NAA11: variants seen among roughly 807,000 people sequenced by gnomAD.
The protein encoded by NAA11 is N-alpha-acetyltransferase 11.
A neutral mutation model predicts 16.1 loss-of-function variants in NAA11; 15 were observed. The observed-to-expected ratio is 0.93, with a 90% CI of 0.62 to 1.44. The LOEUF is 1.44. Among genes scored for constraint, NAA11 ranks in the 40% most tolerant of loss-of-function variants. The pLI is 0.00. For synonymous variants in NAA11, 122 were observed against 112.4 expected (o/e 1.09, Z -0.54); for missense variants, 298 against 291.3 (o/e 1.02, Z -0.17).
At chr4:79,319,729 C>A (rs1560476309) in intron 1 of NAA11, among the ~76,000 whole-genome samples, 1 of 152,140 alleles carries the variant, frequency 6.6e-6, no homozygotes, top group Non-Finnish European at 1.5e-5. Flanking sequence ...TCTTCCCAAC[C>A]CCCTCTTTAT....
At chr4:79,217,506 C>G in the NAA11 span, among the ~76,000 whole-genome samples, 1 of 152,114 alleles carries the variant, frequency 6.6e-6, no homozygotes, top group Non-Finnish European at 1.5e-5. Context: ...AGGTTTAAAA[C>G]AGAGGTAGAT....
At chr4:79,161,398 A>C in the NAA11 span, among the ~76,000 whole-genome samples, 1 of 152,238 alleles carries the variant, frequency 6.6e-6, no homozygotes. Flanking sequence ...TCCTTGTACC[A>C]GTAGCATACT....
the NAA11 span, among the ~76,000 whole-genome samples, chr4:79,156,839 T>TGGCAGTA: frequency 6.6e-6 from 1 of 152,350 alleles, no homozygotes; most frequent in South Asian, 2.1e-4. Context: ...TCTTAATTGA[T>TGGCAGTA]GTCTTCTGCC....
chr4:79,268,536 C>T (rs1722402105), intron 2 of NAA11, among the ~76,000 whole-genome samples: 1 of 152,062 alleles, frequency 6.6e-6, no homozygotes, highest in Non-Finnish European at 1.5e-5. Context: ...TTCATTGCAA[C>T]ACAAGTAATT....
chr4:79,179,615 G>A, the NAA11 span, among the ~76,000 whole-genome samples: 1 of 152,130 alleles, frequency 6.6e-6, no homozygotes, highest in South Asian at 2.1e-4. Flanking sequence ...GGCAGGAGAA[G>A]GACAGAGCAT....
At chr4:79,303,025 CTT>C (rs1170121375) in intron 1 of NAA11, among the ~76,000 whole-genome samples, 3 of 141,892 alleles carry the variant, frequency 2.1e-5, no homozygotes, top group Non-Finnish European at 4.6e-5. Context: ...GCCATCTTGA[CTT>C]TTTAATTTGT....
At chr4:79,274,633 A>G (rs1373359707) in intron 2 of NAA11, among the ~76,000 whole-genome samples, 1 of 152,042 alleles carries the variant, frequency 6.6e-6, no homozygotes, top group African/African-American at 2.4e-5. Context: ...AGTTTCCTCT[A>G]CTATAAAATG....
intron 2 of NAA11, among the ~76,000 whole-genome samples, chr4:79,226,846 G>T (rs931299306): frequency 4.6e-5 from 7 of 152,086 alleles, no homozygotes; most frequent in African/African-American, 1.7e-4. Context: ...CATTTGGGTT[G>T]GTTCCAAGTC....
intron 2 of NAA11, among the ~76,000 whole-genome samples, chr4:79,255,216 C>T (rs988455345): frequency 6.6e-6 from 1 of 151,992 alleles, no homozygotes; most frequent in Non-Finnish European, 1.5e-5. Context: ...ACAACTTTTT[C>T]CATTGTTGAT....
At chr4:79,267,763 C>T (rs1462015850) in intron 2 of NAA11, among the ~76,000 whole-genome samples, 2 of 152,026 alleles carry the variant, frequency 1.3e-5, no homozygotes, top group Admixed American at 1.3e-4. Context: ...ATGGCATGTG[C>T]ACTAAGCCCC....
chr4:79,290,033 A>G (rs974693455), intron 2 of NAA11, among the ~76,000 whole-genome samples: 1 of 152,138 alleles, frequency 6.6e-6, no homozygotes, highest in African/African-American at 2.4e-5. Flanking sequence ...TGTAGTCCAT[A>G]TGATAGATAT....
the NAA11 span, among the ~76,000 whole-genome samples, chr4:79,209,209 T>C: frequency 1.3e-5 from 2 of 152,100 alleles, no homozygotes; most frequent in East Asian, 3.9e-4. Context: ...TGAGTTAGGA[T>C]CACTCCTCAA....
At chr4:79,156,657 A>C in the NAA11 span, among the ~76,000 whole-genome samples, 1 of 152,176 alleles carries the variant, frequency 6.6e-6, no homozygotes, top group South Asian at 2.1e-4. Flanking sequence ...ACACCCTCAC[A>C]CAAACAACCA....
chr4:79,214,138 T>A, the NAA11 span, among the ~76,000 whole-genome samples: 1 of 152,210 alleles, frequency 6.6e-6, no homozygotes, highest in Non-Finnish European at 1.5e-5. Context: ...GTATTTTTTA[T>A]GGTGATGACT....
At chr4:79,263,995 C>T (rs1266996738) in intron 2 of NAA11, among the ~76,000 whole-genome samples, 1 of 152,202 alleles carries the variant, frequency 6.6e-6, no homozygotes, top group Non-Finnish European at 1.5e-5. Context: ...AATACCCCCA[C>T]CTCCAACTCC....
chr4:79,227,962 A>G (rs1209669082), intron 2 of NAA11: 1 of 152,014 alleles, frequency 6.6e-6, no homozygotes, highest in African/African-American at 2.4e-5. Flanking sequence ...TTTGAAGTCC[A>G]GAAGTCTTCT....
At chr4:79,192,933 G>A in the NAA11 span, among the ~76,000 whole-genome samples, 1 of 152,192 alleles carries the variant, frequency 6.6e-6, no homozygotes, top group Non-Finnish European at 1.5e-5. Flanking sequence ...ACTGGTATGA[G>A]ATGATATCTC....
At chr4:79,300,466 A>C (rs1159963774) in intron 1 of NAA11, among the ~76,000 whole-genome samples, 3 of 152,152 alleles carry the variant, frequency 2.0e-5, no homozygotes, top group Non-Finnish European at 4.4e-5. Context: ...CATTATGCTT[A>C]CAACATGCCG....
the NAA11 span, among the ~76,000 whole-genome samples, chr4:79,213,860 T>C: frequency 1.3e-5 from 2 of 152,220 alleles, no homozygotes; most frequent in Admixed American, 6.5e-5. Context: ...GACATCATTT[T>C]AGAAACACAA....
Sources: allele counts gnomAD v4.1 joint callset (sites outside exome capture counted in the v4.1 genomes callset), GRCh38; gene constraint gnomAD v4.1.1; transcripts MANE v1.5; gene names NCBI Gene and HGNC (gene_info 2026-07-23, HGNC 2026-07-21).